Variants in SORCS2 observed in about 807,000 individuals in gnomAD.
SORCS2 encodes VPS10 domain-containing receptor SorCS2.
In SORCS2, 100 loss-of-function variants were observed where a neutral mutation model predicts 141.6. The observed-to-expected ratio is 0.71, with a 90% CI of 0.60 to 0.83. The LOEUF (loss-of-function observed/expected upper bound fraction) is 0.83. SORCS2 is among the 40% of genes least tolerant of loss of function. The pLI, the probability that SORCS2 is intolerant of heterozygous loss-of-function variation, is 0.00. For missense variants in SORCS2, 1,646 were observed against 1,560.2 expected (o/e 1.05, Z -0.93); for synonymous variants, 789 against 676.9 (o/e 1.17, Z -2.57).
At chr4:7,461,374 C>T (rs922494040) in intron 2 of SORCS2, among the ~76,000 whole-genome samples, 14 of 152,122 alleles carry the variant, frequency 9.2e-5, no homozygotes, top group Non-Finnish European at 1.6e-4. Context: ...GGGGGATGGC[C>T]GAGCTTCCAG....
At chr4:7,683,692 G>A (rs865920605) in intron 10 of SORCS2, among the ~76,000 whole-genome samples, 1 of 152,208 alleles carries the variant, frequency 6.6e-6, no homozygotes, top group Non-Finnish European at 1.5e-5. Context: ...GCCATGGAGG[G>A]CAGTGTACCA....
chr4:7,671,155 A>G (rs372946998), intron 8 of SORCS2, among the ~76,000 whole-genome samples: 1 of 138,678 alleles, frequency 7.2e-6, no homozygotes, highest in East Asian at 2.1e-4. Flanking sequence ...TGGTAAAGAG[A>G]TAGCCAACAA....
chr4:7,378,872 A>G (rs1194894343), intron 1 of SORCS2, among the ~76,000 whole-genome samples: 3 of 152,222 alleles, frequency 2.0e-5, no homozygotes, highest in Non-Finnish European at 4.4e-5. Flanking sequence ...AGGAAAGACC[A>G]CATTTCCTCT....
At chr4:7,712,617 G>C in intron 14 of SORCS2, 116 bp from the exon 15 acceptor site, 1 of 1,435,516 alleles carries the variant, frequency 7.0e-7, no homozygotes, top group Non-Finnish European at 9.6e-7. Context: ...GCAGGAGAAG[G>C]ATATCTGTGC....
chr4:7,704,687 G>T (rs577206291), intron 14 of SORCS2, among the ~76,000 whole-genome samples: 87 of 152,308 alleles, frequency 5.7e-4, no homozygotes, highest in Non-Finnish European at 1.0e-3. Flanking sequence ...GGCCAAAAAA[G>T]GCACCATGAG....
chr4:7,433,181 G>T (rs1057219140), intron 2 of SORCS2: 2 of 955,176 alleles, frequency 2.1e-6, no homozygotes, highest in Non-Finnish European at 1.4e-6. Flanking sequence ...GGAATACTTG[G>T]TTTTGAACTT....
intron 1 of SORCS2, among the ~76,000 whole-genome samples, chr4:7,246,993 C>T (rs774251790): frequency 2.1e-4 from 32 of 152,208 alleles, no homozygotes; most frequent in Non-Finnish European, 3.5e-4. Context: ...GGGTTCCTCT[C>T]CCTCCTGGCC....
chr4:7,269,280 G>A (rs948090552), intron 1 of SORCS2, among the ~76,000 whole-genome samples: 1 of 152,206 alleles, frequency 6.6e-6, no homozygotes, highest in Non-Finnish European at 1.5e-5. Context: ...AGTGAGACAG[G>A]CAAGTGACCG....
At chr4:7,572,824 G>A (rs1334946424) in intron 3 of SORCS2, among the ~76,000 whole-genome samples, 2 of 152,314 alleles carry the variant, frequency 1.3e-5, no homozygotes, top group East Asian at 3.9e-4. Flanking sequence ...CACATCTGAA[G>A]CCCCTTGGTT....
In SORCS2 at chr4:7,498,516, C is replaced by T. The variant is rs1731769237; in HGVS notation, c.549-33014C>T. ...AAATTGAGACCCATGTACCAAAATC[C>T]CAACCCCTCCCTAGCTCTGGAAAGG... On this transcript the variant is annotated intron_variant, in intron 2 of 26. Coordinates refer to ENST00000507866, the MANE Select transcript of SORCS2 (RefSeq NM_020777.3). Among the ~76,000 whole-genome samples the T allele has an allele frequency of 3.3e-5, 5 of 152,332 alleles. No homozygotes were observed. In the South Asian group the frequency reaches 8.3e-4, roughly 25 times the overall value.
chr4:7,507,213 T>C (rs1577672305), intron 2 of SORCS2, among the ~76,000 whole-genome samples: 1 of 151,608 alleles, frequency 6.6e-6, no homozygotes, highest in Non-Finnish European at 1.5e-5. Flanking sequence ...TCTTGCTCTG[T>C]GGCCAGGCTG....
At chr4:7,662,187 G>A (rs980815599) in intron 6 of SORCS2, among the ~76,000 whole-genome samples, 8 of 151,994 alleles carry the variant, frequency 5.3e-5, no homozygotes, top group South Asian at 2.1e-4. Flanking sequence ...CCAAGCTTTC[G>A]GGGGCAGGGT....
At chr4:7,503,176 A>C (rs1296081833) in intron 2 of SORCS2, among the ~76,000 whole-genome samples, 1 of 152,182 alleles carries the variant, frequency 6.6e-6, no homozygotes, top group Non-Finnish European at 1.5e-5. Context: ...AGAAGCCCCA[A>C]ACATGGAAAA....
At chr4:7,539,107 G>A (rs147210196) in intron 3 of SORCS2, among the ~76,000 whole-genome samples, 2 of 152,218 alleles carry the variant, frequency 1.3e-5, no homozygotes, top group East Asian at 1.9e-4. Flanking sequence ...ACCAGGACGC[G>A]CCCCAGGTCT....
intron 2 of SORCS2, among the ~76,000 whole-genome samples, chr4:7,445,715 A>G (rs1432491513): frequency 6.6e-6 from 1 of 152,102 alleles, no homozygotes; most frequent in African/African-American, 2.4e-5. Flanking sequence ...TGGGCCAGTC[A>G]CTCACCTGTC....
chr4:7,273,623 A>G (rs1715282751), intron 1 of SORCS2, among the ~76,000 whole-genome samples: 1 of 152,194 alleles, frequency 6.6e-6, no homozygotes, highest in Non-Finnish European at 1.5e-5. Context: ...TGAGAGACTG[A>G]AGCTTCTGGA....
chr4:7,734,015 C>T (rs1280745764), intron 24 of SORCS2, among the ~76,000 whole-genome samples: 1 of 151,912 alleles, frequency 6.6e-6, no homozygotes, highest in Non-Finnish European at 1.5e-5. Flanking sequence ...AGGGGATAGG[C>T]AGGGACAGGC....
intron 12 of SORCS2, among the ~76,000 whole-genome samples, chr4:7,699,004 C>T (rs370179698): frequency 5.3e-5 from 8 of 152,154 alleles, no homozygotes; most frequent in South Asian, 2.1e-4. Flanking sequence ...CAGTGAGATG[C>T]GTCTGAGAGA....
intron 1 of SORCS2, among the ~76,000 whole-genome samples, chr4:7,264,407 T>C (rs113177626): frequency 6.6e-6 from 1 of 152,222 alleles, no homozygotes; most frequent in East Asian, 1.9e-4. Context: ...ACTGCAGGTG[T>C]GGGCATCTGT....
Sources: allele counts gnomAD v4.1 joint callset (sites outside exome capture counted in the v4.1 genomes callset), GRCh38; gene constraint gnomAD v4.1.1; transcripts MANE v1.5; gene names NCBI Gene and HGNC (gene_info 2026-07-23, HGNC 2026-07-21).